CTSC: variants seen among roughly 807,000 people sequenced by gnomAD.
The protein encoded by CTSC is cathepsin C, also known as dipeptidyl peptidase 1.
A neutral mutation model predicts 40.9 loss-of-function variants in CTSC; 37 were observed. That is an observed-to-expected ratio of 0.91 (90% CI 0.70 to 1.19). The LOEUF is 1.19. Among genes scored for constraint, CTSC ranks in the 50% most tolerant of loss-of-function variants. CTSC has a pLI of 0.00. For synonymous variants in CTSC, 232 were observed against 207.4 expected, an observed-to-expected ratio of 1.12 and a Z score of -1.02; for missense variants, 594 against 567.3, an observed-to-expected ratio of 1.05 and a Z score of -0.48.
chr11:88,325,149 T>C, intron 2 of CTSC: 1 of 985,076 alleles, frequency 1.0e-6, no homozygotes, highest in Non-Finnish European at 1.2e-6. Flanking sequence ...AGGAAAGAGC[T>C]AGAAGATAGC....
intron 4 of CTSC, among the ~76,000 whole-genome samples, chr11:88,303,042 T>G (rs935976651): frequency 6.6e-6 from 1 of 152,206 alleles, no homozygotes; most frequent in African/African-American, 2.4e-5. Context: ...GATGTATAAA[T>G]AAAAACTAAG....
At chr11:88,301,523 T>C (rs1591223025) in intron 4 of CTSC, among the ~76,000 whole-genome samples, 1 of 152,202 alleles carries the variant, frequency 6.6e-6, no homozygotes, top group South Asian at 2.1e-4. Context: ...TTGCCTCATT[T>C]GTGAGTTTTG....
At chr11:88,316,542 CTG>C (rs1200897520) in intron 2 of CTSC, among the ~76,000 whole-genome samples, 2 of 151,540 alleles carry the variant, frequency 1.3e-5, no homozygotes, top group African/African-American at 4.9e-5. Flanking sequence ...ATCTCATGGG[CTG>C]TGTTTTATGT....
intron 2 of CTSC, among the ~76,000 whole-genome samples, chr11:88,316,045 T>G (rs1565257647): frequency 6.6e-6 from 1 of 152,078 alleles, no homozygotes; most frequent in African/African-American, 2.4e-5. Flanking sequence ...AACTGACTCA[T>G]GAGTCACGTT....
At chr11:88,326,181 T>C in intron 2 of CTSC, 2 of 1,361,366 alleles carry the variant, frequency 1.5e-6, no homozygotes, top group South Asian at 2.1e-5. Context: ...CTGTGTAGTC[T>C]CTGGTTGTTC....
rs550853642 is a variant in CTSC, at chr11:88,306,432, G to GC, written c.641+2730dup. 3.3e-5 allele frequency among the ~76,000 whole-genome samples: 5 copies of GC among 151,480 alleles called. No individual in the cohort carries two copies. The South Asian group carries it at 8.4e-4, about 25-fold the overall frequency. On this transcript the variant is annotated intron_variant, in intron 4 of 6. Coordinates refer to ENST00000227266, the MANE Select transcript of CTSC (RefSeq NM_001814.6). ...AAAAAGGTGCCTTTTGGCCCGCCAT[G>GC]CCCCCCATCCTTCCCCCATATAAAC... is the stretch of plus-strand genomic sequence containing the variant.
At chr11:88,325,330 T>C (rs1938151561) in intron 2 of CTSC, 1 of 985,310 alleles carries the variant, frequency 1.0e-6, no homozygotes, top group South Asian at 4.7e-5. Flanking sequence ...AGAAAGTCAG[T>C]AGCCTAATAG....
chr11:88,324,982 T>C, intron 2 of CTSC: 1 of 985,102 alleles, frequency 1.0e-6, no homozygotes, highest in Non-Finnish European at 1.2e-6. Flanking sequence ...GACAAACTAC[T>C]CTCTAGAGAA....
At chr11:88,328,690 CAAT>C (rs1248521685) in intron 2 of CTSC, among the ~76,000 whole-genome samples, 1 of 152,136 alleles carries the variant, frequency 6.6e-6, no homozygotes, top group African/African-American at 2.4e-5. Context: ...TGCAGTGGCA[CAAT>C]GTCAGCTCAC....
At chr11:88,317,075 T>G (rs1937896999) in intron 2 of CTSC, among the ~76,000 whole-genome samples, 1 of 152,170 alleles carries the variant, frequency 6.6e-6, no homozygotes, top group African/African-American at 2.4e-5. Flanking sequence ...CAAGCAATTC[T>G]CCTGCCTCAG....
intron 2 of CTSC, among the ~76,000 whole-genome samples, chr11:88,315,906 T>C (rs1165660461): frequency 6.6e-6 from 1 of 152,128 alleles, no homozygotes; most frequent in Admixed American, 6.5e-5. Context: ...ATAAAATTTC[T>C]TTCTAATGAA....
At chr11:88,296,057 C>A in intron 6 of CTSC, 76 bp downstream of exon 6, 1 of 1,504,344 alleles carries the variant, frequency 6.6e-7, no homozygotes, top group South Asian at 1.1e-5. Flanking sequence ...CTGCATCATC[C>A]TTTTGCCTTT....
intron 2 of CTSC, chr11:88,323,507 A>G (rs947441305): frequency 8.5e-5 from 13 of 152,172 alleles, no homozygotes; most frequent in African/African-American, 2.7e-4. Flanking sequence ...ACATGATCCT[A>G]TATCTAGAAA....
chr11:88,322,509 C>T (rs1938048022), intron 2 of CTSC: 1 of 151,998 alleles, frequency 6.6e-6, no homozygotes, highest in African/African-American at 2.4e-5. Context: ...GAGTCCTTTC[C>T]CTATTGCTTC....
intron 2 of CTSC, chr11:88,323,608 G>A: frequency 6.6e-6 from 1 of 151,872 alleles, no homozygotes; most frequent in East Asian, 1.9e-4. Context: ...AAGTCACCAG[G>A]ATCCCTATAC....
At chr11:88,295,347 C>A (rs1944286404) in intron 6 of CTSC, among the ~76,000 whole-genome samples, 1 of 151,988 alleles carries the variant, frequency 6.6e-6, no homozygotes, top group Non-Finnish European at 1.5e-5. Flanking sequence ...TTTCGACATA[C>A]ATCACATACA....
intron 2 of CTSC, chr11:88,324,521 G>T: frequency 1.0e-6 from 1 of 980,310 alleles, no homozygotes; most frequent in Non-Finnish European, 1.2e-6. Context: ...TTCTTTGTAA[G>T]TTGGTAATAC....
At chr11:88,305,059 C>T (rs191514387) in intron 4 of CTSC, among the ~76,000 whole-genome samples, 1 of 151,500 alleles carries the variant, frequency 6.6e-6, no homozygotes, top group Non-Finnish European at 1.5e-5. Context: ...GATTGCTTTA[C>T]CGCACTCCAG....
chr11:88,329,285 C>T lies in CTSC; in HGVS notation c.318+5652G>A, dbSNP rs193052824. Among the ~76,000 whole-genome samples the T allele has an allele frequency of 7.4e-4, 113 of 151,916 alleles. 1 individual carries two copies. Among genetic ancestry groups the T allele is most frequent in the Admixed American group, 6.2e-3 (94 of 15,252 alleles). ...TCACTTGGGGTCAGGAGTTCAAGAC[C>T]AGTCTGGTCAACATGGTGAAACCCC... On this transcript the variant is annotated intron_variant, in intron 2 of 6. Coordinates refer to ENST00000227266, the MANE Select transcript of CTSC (RefSeq NM_001814.6).
Sources: allele counts gnomAD v4.1 joint callset (sites outside exome capture counted in the v4.1 genomes callset), GRCh38; gene constraint gnomAD v4.1.1; transcripts MANE v1.5; gene names NCBI Gene and HGNC (gene_info 2026-07-23, HGNC 2026-07-21).